Variants in PLXNA1 observed in about 807,000 individuals in gnomAD.
PLXNA1 encodes plexin A1.
A neutral mutation model predicts 191.7 loss-of-function variants in PLXNA1; 77 were observed. The ratio of observed to expected loss-of-function variants is 0.40; its 90% confidence interval spans 0.33 to 0.49. The LOEUF (loss-of-function observed/expected upper bound fraction) is 0.49, where lower values mean the gene tolerates loss of function less well. Among genes scored for constraint, PLXNA1 ranks in the 20% least tolerant of loss-of-function variants. The pLI, the probability that PLXNA1 is intolerant of heterozygous loss-of-function variation, is 0.63. For missense variants in PLXNA1, 2,110 were observed against 2,660.2 expected (o/e 0.79, Z 4.55); for synonymous variants, 1,137 against 1,156.4 (o/e 0.98, Z 0.34).
intron 1 of PLXNA1, among the ~76,000 whole-genome samples, chr3:126,984,543 C>A (rs1018470616): frequency 5.3e-5 from 8 of 152,246 alleles, no homozygotes; most frequent in African/African-American, 1.9e-4. Flanking sequence ...GCTGCCCGGC[C>A]CTTGAGGAGC....
At chr3:126,987,355 C>T (rs1041889185) in intron 1 of PLXNA1, among the ~76,000 whole-genome samples, 2 of 152,198 alleles carry the variant, frequency 1.3e-5, no homozygotes, top group South Asian at 2.1e-4. Context: ...ATCTGGGCAG[C>T]GCTGACCTCG....
intron 1 of PLXNA1, among the ~76,000 whole-genome samples, chr3:126,984,122 C>T (rs925550956): frequency 6.6e-6 from 1 of 152,208 alleles, no homozygotes; most frequent in South Asian, 2.1e-4. Context: ...GGGCCGATCC[C>T]GGGCTGCCAG....
chr3:127,008,746 G>T (rs1407563908), intron 9 of PLXNA1, among the ~76,000 whole-genome samples: 1 of 152,130 alleles, frequency 6.6e-6, no homozygotes, highest in South Asian at 2.1e-4. Context: ...CCAGGCTGGG[G>T]GCTGGGGGCT....
chr3:127,017,985 C>G lies in PLXNA1; in HGVS notation c.3660+93C>G, dbSNP rs1052857802. 2.6e-6 allele frequency: 4 copies of G among 1,511,330 alleles called. No individual in the cohort carries two copies. The African/African-American group carries it at 4.1e-5, about 15-fold the overall frequency. 93.6% of individuals were successfully genotyped at this position (1,511,330 alleles called of 1,614,324 possible). A position where few individuals can be genotyped will look rare whatever the true frequency, so the allele number is the denominator to read the frequency against. Reference sequence around the variant, plus strand: ...GCACAGCCCCAGCTCTGACCTTGCCCGAGACTCACCCCTAGCTCAGAGGGC... The same window carrying G: ...GCACAGCCCCAGCTCTGACCTTGCCGGAGACTCACCCCTAGCTCAGAGGGC... On this transcript the variant is annotated intron_variant, in intron 19 of 31. Coordinates refer to ENST00000393409, the MANE Select transcript of PLXNA1 (RefSeq NM_032242.4).
intron 1 of PLXNA1, among the ~76,000 whole-genome samples, chr3:126,984,937 T>G (rs1438502294): frequency 2.0e-5 from 3 of 152,126 alleles, no homozygotes; most frequent in African/African-American, 7.2e-5. Context: ...CCGGATCCCC[T>G]AGGACTGGTC....
chr3:126,986,007 G>A (rs2078957560), intron 1 of PLXNA1, among the ~76,000 whole-genome samples: 1 of 152,240 alleles, frequency 6.6e-6, no homozygotes, highest in Non-Finnish European at 1.5e-5. Flanking sequence ...GTGGAGTTTG[G>A]GGCGGTGGGC....
chr3:127,017,522 A>G lies in PLXNA1; in HGVS notation c.3374A>G (p.Glu1125Gly), dbSNP rs1358009331. 1 of 1,613,588 alleles carries G rather than the reference A, an allele frequency of 6.2e-7. No individual in the cohort carries two copies. Among genetic ancestry groups the G allele is most frequent in the Non-Finnish European group, 8.5e-7 (1 of 1,179,984 alleles). ...SPPELGERPD[E>G]LGFVMDNVRS... ...CCAGAGCTGGGGGAGCGGCCGGATGAGCTGGGCTTCGTCATGGACAACGTG... is the reference window on the plus strand; with the variant it reads ...CCAGAGCTGGGGGAGCGGCCGGATGGGCTGGGCTTCGTCATGGACAACGTG... Residue 1125 changes from glutamate (E) to glycine (G), a missense_variant, in exon 18 of 32, where the codon GAG (glutamate) becomes GGG (glycine). Glu to Gly is a moderately conservative substitution (Grantham distance 98, BLOSUM62 -2). Around this residue, in one of 4 missense-constraint regions of PLXNA1, gnomAD observed 644 missense variants for 714.3 expected, o/e 0.90. Coordinates refer to ENST00000393409, the MANE Select transcript of PLXNA1 (RefSeq NM_032242.4).
rs531404844 is a variant in PLXNA1, at chr3:127,030,494, G to T, written c.5231+82G>T. On this transcript the variant is annotated intron_variant, in intron 29 of 31. Coordinates refer to ENST00000393409, the MANE Select transcript of PLXNA1 (RefSeq NM_032242.4). ...CAGGGCCCTCGCCCTGTTCTGATCCGGAGCCCCCACTTGGGGCTCCCTGGC... is the reference window on the plus strand; with the variant it reads ...CAGGGCCCTCGCCCTGTTCTGATCCTGAGCCCCCACTTGGGGCTCCCTGGC... The T allele has an allele frequency of 9.2e-6, 14 of 1,529,460 alleles. No homozygotes were observed. In the Admixed American group the frequency reaches 2.6e-4, roughly 28 times the overall value. The allele number at this position is 1,529,460 out of a possible 1,614,324, so 94.7% of individuals were successfully genotyped here.
rs2079230577 is a variant in PLXNA1 at position 127,034,652 on chromosome 3, C to T, written c.*635C>T. On this transcript the variant is annotated 3_prime_UTR_variant, in exon 32 of 32. Transcript: ENST00000393409. ...GCTCTGCGCGGCCGAGGCCGGAGCA[C>T]CACATCCACCTCGCCCCAGAGAGGC... 3 of 151,690 alleles carry T rather than the reference C, an allele frequency of 2.0e-5. No homozygotes were observed. The highest frequency in any genetic ancestry group is 2.1e-4 in the South Asian group (1 of 4,812). The allele number at this position is 151,690 out of a possible 1,614,324, so 9.4% of individuals were successfully genotyped here. A position where few individuals can be genotyped will look rare whatever the true frequency, so the allele number is the denominator to read the frequency against.
chr3:127,024,604 C>T (rs2079168067), intron 23 of PLXNA1, among the ~76,000 whole-genome samples: 1 of 152,160 alleles, frequency 6.6e-6, no homozygotes, highest in Non-Finnish European at 1.5e-5. Context: ...GACCCCAGCC[C>T]ACCCTCGTTG....
At chr3:126,997,290 G>T (rs1023065972) in intron 3 of PLXNA1, among the ~76,000 whole-genome samples, 5 of 152,206 alleles carry the variant, frequency 3.3e-5, no homozygotes, top group African/African-American at 1.2e-4. Flanking sequence ...TGGGAGCAAG[G>T]CTGTGGAGCC....
At chr3:127,007,700 C>T (rs2079075473) in intron 8 of PLXNA1, 99 bp from the exon 9 acceptor site, 1 of 723,772 alleles carries the variant, frequency 1.4e-6, no homozygotes, top group Non-Finnish European at 2.4e-6. Context: ...TGAGGTGGCA[C>T]TATGAATACC....
At chr3:126,992,872 A>G (rs1177112103) in intron 3 of PLXNA1, among the ~76,000 whole-genome samples, 1 of 151,720 alleles carries the variant, frequency 6.6e-6, no homozygotes, top group Non-Finnish European at 1.5e-5. Flanking sequence ...CTCAGCCTGC[A>G]CTCCCTCTCC....
intron 14 of PLXNA1, 97 bp from the exon 15 acceptor site, chr3:127,015,086 GA>G: frequency 1.3e-6 from 2 of 1,500,118 alleles, no homozygotes; most frequent in Middle Eastern, 3.6e-4. Context: ...CTAGTCTGGG[GA>G]ACTGTCTGTG....
intron 26 of PLXNA1, 138 bp from the exon 27 acceptor site, chr3:127,029,302 T>G (rs372037931): frequency 4.5e-6 from 4 of 881,272 alleles, no homozygotes; most frequent in Admixed American, 1.8e-5. Flanking sequence ...TGTCCTGATA[T>G]AGAGTTCCAG....
At chr3:127,031,291 C>G (rs116628060) in intron 29 of PLXNA1, among the ~76,000 whole-genome samples, 1,975 of 152,338 alleles carry the variant, frequency 0.013, 37 homozygotes, top group African/African-American at 0.045. Flanking sequence ...GTGTGGCCCC[C>G]ACCCCAGCAG....
intron 12 of PLXNA1, 48 bp from the exon 13 acceptor site, chr3:127,014,430 A>ACCCTACG: frequency 6.3e-7 from 1 of 1,577,930 alleles, no homozygotes; most frequent in Non-Finnish European, 8.6e-7. Context: ...ACCACCGCAC[A>ACCCTACG]CCCTACGCCC....
chr3:127,026,259 G>C (rs964371892), intron 23 of PLXNA1: 1 of 152,346 alleles, frequency 6.6e-6, no homozygotes, highest in Non-Finnish European at 1.5e-5. Context: ...GGAGTGGGGC[G>C]GGGCCTGCTG....
chr3:127,034,249 G>A lies in PLXNA1; in HGVS notation c.*232G>A, dbSNP rs939918028. 3.1e-5 allele frequency: 15 copies of A among 481,328 alleles called. No individual in the cohort carries two copies. The highest frequency in any genetic ancestry group is 4.1e-5 in the Non-Finnish European group (11 of 269,266). The allele number at this position is 481,328 out of a possible 1,614,324, so 29.8% of individuals were successfully genotyped here. A position where few individuals can be genotyped will look rare whatever the true frequency, so the allele number is the denominator to read the frequency against. ...GCACACAGCTGCTTGCTCAGGGGCC[G>A]GGACAGCACTGGGTGCTCAGGCTGG... is the stretch of plus-strand genomic sequence containing the variant. On this transcript the variant is annotated 3_prime_UTR_variant, in exon 32 of 32. Coordinates refer to ENST00000393409, the MANE Select transcript of PLXNA1 (RefSeq NM_032242.4).
Sources: allele counts gnomAD v4.1 joint callset (sites outside exome capture counted in the v4.1 genomes callset), GRCh38; gene constraint gnomAD v4.1.1; regional missense constraint gnomAD v4.1.1; transcripts MANE v1.5; gene names NCBI Gene and HGNC (gene_info 2026-07-23, HGNC 2026-07-21).